Variants in RGS6 observed in about 807,000 individuals in gnomAD.
RGS6 encodes the protein regulator of G-protein signaling 6.
RGS6 carries 30 observed loss-of-function variants against 78.5 expected under a neutral mutation model. That is an observed-to-expected ratio of 0.38 (90% CI 0.29 to 0.52). The LOEUF (loss-of-function observed/expected upper bound fraction) is 0.52, where lower values mean the gene tolerates loss of function less well. Ranked by LOEUF, RGS6 falls within the 20% of genes least tolerant of loss-of-function variation. RGS6 has a pLI of 0.85. For missense variants in RGS6, 495 were observed against 609.7 expected, an observed-to-expected ratio of 0.81 and a Z score of 1.98; for synonymous variants, 206 against 206.0, an observed-to-expected ratio of 1.00 and a Z score of 0.00.
intron 2 of RGS6, among the ~76,000 whole-genome samples, chr14:72,171,210 A>G (rs1331658838): frequency 1.3e-5 from 2 of 152,150 alleles, no homozygotes; most frequent in Non-Finnish European, 2.9e-5. Flanking sequence ...CTGTGCATGC[A>G]TGCGTACATA....
chr14:71,912,113 T>A, the RGS6 span, among the ~76,000 whole-genome samples: 1 of 152,136 alleles, frequency 6.6e-6, no homozygotes, highest in Non-Finnish European at 1.5e-5. Context: ...CTTATGTTAG[T>A]CTCTTATTAG....
At chr14:71,893,245 G>A in the RGS6 span, among the ~76,000 whole-genome samples, 93 of 152,338 alleles carry the variant, frequency 6.1e-4, 1 homozygote, top group Admixed American at 1.0e-3. Flanking sequence ...TAGAGGGTTT[G>A]ATCAAGAATT....
At chr14:72,139,533 A>G (rs896324988) in intron 2 of RGS6, among the ~76,000 whole-genome samples, 1 of 152,188 alleles carries the variant, frequency 6.6e-6, no homozygotes, top group Non-Finnish European at 1.5e-5. Flanking sequence ...AAGCATAATT[A>G]TTTTGGTTTC....
chr14:72,323,295 A>C (rs1281524251), intron 2 of RGS6, among the ~76,000 whole-genome samples: 1 of 152,186 alleles, frequency 6.6e-6, no homozygotes, highest in Non-Finnish European at 1.5e-5. Flanking sequence ...AAATTTAACA[A>C]GAAATGTGCC....
At chr14:72,582,980 G>T in the RGS6 span, among the ~76,000 whole-genome samples, 1 of 151,818 alleles carries the variant, frequency 6.6e-6, no homozygotes, top group South Asian at 2.1e-4. Flanking sequence ...CTTTTTATGG[G>T]GAGATACTGT....
chr14:72,111,781 G>T (rs1236227576), intron 2 of RGS6, among the ~76,000 whole-genome samples: 1 of 152,150 alleles, frequency 6.6e-6, no homozygotes, highest in East Asian at 1.9e-4. Context: ...TGGCCATTCA[G>T]TGCGCACTCA....
At chr14:72,557,884 G>A (rs1042878549) in intron 17 of RGS6, among the ~76,000 whole-genome samples, 12 of 152,212 alleles carry the variant, frequency 7.9e-5, no homozygotes, top group African/African-American at 2.9e-4. Context: ...GGAGGGGGAA[G>A]CATTGAATTT....
At chr14:71,980,387 C>A (rs916038635) in intron 2 of RGS6, among the ~76,000 whole-genome samples, 1 of 151,496 alleles carries the variant, frequency 6.6e-6, no homozygotes, top group Non-Finnish European at 1.5e-5. Context: ...TATGATTTTG[C>A]AGCGGCTGGT....
chr14:72,119,772 A>G (rs1038279715), intron 2 of RGS6, among the ~76,000 whole-genome samples: 3 of 152,242 alleles, frequency 2.0e-5, no homozygotes, highest in Non-Finnish European at 4.4e-5. Context: ...GATGTGAAAC[A>G]TGGATATCAT....
At chr14:72,168,223 C>T (rs2096956103) in intron 2 of RGS6, among the ~76,000 whole-genome samples, 1 of 152,134 alleles carries the variant, frequency 6.6e-6, no homozygotes, top group Admixed American at 6.5e-5. Flanking sequence ...ACCTGGTGCA[C>T]ACTCAGGTGA....
At chr14:72,516,554 C>T (rs975143852) in intron 14 of RGS6, among the ~76,000 whole-genome samples, 9 of 152,206 alleles carry the variant, frequency 5.9e-5, no homozygotes, top group Non-Finnish European at 1.0e-4. Flanking sequence ...CAGATGGCAG[C>T]AGCAAGAGCT....
At chr14:71,992,861 TTCA>T (rs1211815297) in intron 2 of RGS6, among the ~76,000 whole-genome samples, 1 of 151,978 alleles carries the variant, frequency 6.6e-6, no homozygotes, top group Non-Finnish European at 1.5e-5. Context: ...TAAAACAAGC[TTCA>T]TCTTTTTTTA....
the RGS6 span, among the ~76,000 whole-genome samples, chr14:71,917,303 G>T: frequency 6.6e-6 from 1 of 152,130 alleles, no homozygotes; most frequent in Non-Finnish European, 1.5e-5. Flanking sequence ...TGTTGGGATC[G>T]CATGGTACAC....
chr14:72,108,653 T>C (rs993363457), intron 2 of RGS6, among the ~76,000 whole-genome samples: 1 of 152,060 alleles, frequency 6.6e-6, no homozygotes, highest in African/African-American at 2.4e-5. Context: ...CCCCTTCTAC[T>C]TTTGAAGTTA....
the RGS6 span, among the ~76,000 whole-genome samples, chr14:72,573,170 T>C: frequency 6.6e-6 from 1 of 152,218 alleles, no homozygotes; most frequent in Non-Finnish European, 1.5e-5. Context: ...CCTTGAGCCC[T>C]TCCTTATAGG....
Position 72,377,469 on chromosome 14 carries a change from C to G in RGS6, c.184+25275C>G, listed in dbSNP as rs918000716. Reference sequence around the variant, plus strand: ...TAGTTGGGGACTTTAACACCCCACTCTCAGCCTTCGACAGATCATCTACAC... The same window carrying G: ...TAGTTGGGGACTTTAACACCCCACTGTCAGCCTTCGACAGATCATCTACAC... On this transcript the variant is annotated intron_variant, in intron 3 of 17. Transcript: ENST00000553525. 3.3e-5 allele frequency among the ~76,000 whole-genome samples: 5 copies of G among 152,014 alleles called. No individual in the cohort carries two copies. The East Asian group carries it at 5.8e-4, about 18-fold the overall frequency.
chr14:72,016,587 A>C (rs1027131729), intron 2 of RGS6, among the ~76,000 whole-genome samples: 1 of 152,002 alleles, frequency 6.6e-6, no homozygotes, highest in Non-Finnish European at 1.5e-5. Flanking sequence ...GGATTGTCTC[A>C]ATCTCCTGAC....
chr14:72,053,079 C>CCCTTCCTT (rs1226350902), intron 2 of RGS6, among the ~76,000 whole-genome samples: 504 of 16,888 alleles, frequency 0.03, 18 homozygotes, highest in African/African-American at 0.056. Context: ...CTCCCTCCCT[C>CCCTTCCTT]CCTTCCTTCC....
At chr14:72,486,049 C>T (rs954373053) in intron 12 of RGS6, among the ~76,000 whole-genome samples, 8 of 152,246 alleles carry the variant, frequency 5.3e-5, no homozygotes, top group Admixed American at 4.6e-4. Flanking sequence ...TTCCCCCATG[C>T]TATGCTCATG....
Sources: allele counts gnomAD v4.1 joint callset (sites outside exome capture counted in the v4.1 genomes callset), GRCh38; gene constraint gnomAD v4.1.1; transcripts MANE v1.5; gene names NCBI Gene and HGNC (gene_info 2026-07-23, HGNC 2026-07-21).